The following MAF variants were observed in gnomAD, a reference collection of about 807,000 sequenced individuals.
MAF encodes transcription factor Maf.
A neutral mutation model predicts 22.0 loss-of-function variants in MAF; 10 were observed. The ratio of observed to expected loss-of-function variants is 0.45; its 90% CI spans 0.28 to 0.77. The LOEUF (loss-of-function observed/expected upper bound fraction) is 0.77, where lower values mean the gene tolerates loss of function less well. Ranked by LOEUF, MAF falls within the 30% of genes least tolerant of loss-of-function variation. MAF has a pLI of 0.12. For synonymous variants in MAF, 337 were observed against 255.8 expected (o/e 1.32, Z -3.03); for missense variants, 544 against 548.4 (o/e 0.99, Z 0.08).
At chr16:79,253,647 T>G in the MAF span, among the ~76,000 whole-genome samples, 1 of 152,070 alleles carries the variant, frequency 6.6e-6, no homozygotes, top group Non-Finnish European at 1.5e-5. Context: ...TTTCTTCATC[T>G]TGGGCTCCAC....
the MAF span, among the ~76,000 whole-genome samples, chr16:79,558,827 G>C: frequency 6.6e-6 from 1 of 152,182 alleles, no homozygotes; most frequent in Non-Finnish European, 1.5e-5. Flanking sequence ...GTTCTCATTT[G>C]ATTATAATAG....
At chr16:79,212,769 T>C in the MAF span, 1 of 152,218 alleles carries the variant, frequency 6.6e-6, no homozygotes, top group Non-Finnish European at 1.5e-5. Flanking sequence ...GCGCTTCTAA[T>C]AAAGCGCTTC....
the MAF span, among the ~76,000 whole-genome samples, chr16:79,566,562 C>T: frequency 1.3e-5 from 2 of 152,222 alleles, no homozygotes; most frequent in Non-Finnish European, 1.5e-5. Context: ...GCATTCCTTT[C>T]ACTCTGCACC....
In MAF at chr16:79,600,044, C is replaced by T. The variant is rs1173992782; in HGVS notation, c.-142G>A. 1.7e-6 allele frequency: 2 copies of T among 1,182,344 alleles called. No individual in the cohort carries two copies. Among genetic ancestry groups the T allele is most frequent in the South Asian group, 2.9e-5 (2 of 69,866 alleles). 73.2% of individuals were successfully genotyped at this position (1,182,344 alleles called of 1,614,324 possible). A position where few individuals can be genotyped will look rare whatever the true frequency, so the allele number is the denominator to read the frequency against. ...CTAGCTTGCGCGGCGGTGGCTGGCC[C>T]GAAACCTCCGAGCGCGCTCACACAC... On this transcript the variant is annotated 5_prime_UTR_variant, in exon 1 of 2. Coordinates refer to ENST00000326043, the MANE Select transcript of MAF (RefSeq NM_005360.5).
the MAF span, among the ~76,000 whole-genome samples, chr16:79,399,110 G>A: frequency 2.6e-5 from 4 of 152,222 alleles, no homozygotes; most frequent in Non-Finnish European, 5.9e-5. Flanking sequence ...GAGAGGCAGT[G>A]CTCCGTGGGC....
the MAF span, among the ~76,000 whole-genome samples, chr16:79,564,366 GA>G: frequency 6.6e-6 from 1 of 152,224 alleles, no homozygotes; most frequent in Admixed American, 6.5e-5. Context: ...TTATGGGGAA[GA>G]AAAGTGAGGA....
intron 1 of MAF, chr16:79,598,137 G>A: frequency 9.6e-7 from 1 of 1,041,830 alleles, no homozygotes; most frequent in African/African-American, 1.7e-5. Flanking sequence ...CTCACATGAA[G>A]AACTCAGGAG....
the MAF span, among the ~76,000 whole-genome samples, chr16:79,377,064 G>A: frequency 6.6e-6 from 1 of 152,116 alleles, no homozygotes; most frequent in African/African-American, 2.4e-5. Flanking sequence ...GGGTCAAATG[G>A]TATTTCTAGT....
At chr16:79,329,738 G>C in the MAF span, among the ~76,000 whole-genome samples, 4 of 152,062 alleles carry the variant, frequency 2.6e-5, no homozygotes, top group Non-Finnish European at 5.9e-5. Flanking sequence ...TTAGAAAACT[G>C]TACTATTCTT....
At chr16:79,596,960 A>G (rs1380611281) in intron 1 of MAF, 3 of 1,045,618 alleles carry the variant, frequency 2.9e-6, no homozygotes, top group Admixed American at 1.1e-4. Flanking sequence ...TTTTGAAAAG[A>G]AAAAAAAACA....
the MAF span, among the ~76,000 whole-genome samples, chr16:79,246,541 G>GT: frequency 2.6e-5 from 1 of 39,078 alleles, no homozygotes; most frequent in African/African-American, 8.9e-5. Context: ...GGTTTTTTTT[G>GT]GGGGGGGTGT....
the MAF span, among the ~76,000 whole-genome samples, chr16:79,391,857 A>C: frequency 7.1e-6 from 1 of 139,952 alleles, no homozygotes; most frequent in Non-Finnish European, 1.5e-5. Flanking sequence ...AAAGAGAGAG[A>C]AGAAGGAGGA....
the MAF span, among the ~76,000 whole-genome samples, chr16:79,217,997 A>T: frequency 1.7e-5 from 1 of 57,514 alleles, no homozygotes; most frequent in African/African-American, 5.6e-5. Flanking sequence ...AAAAAAAAAA[A>T]AAAAAAAAAA....
At chr16:79,461,539 C>T in the MAF span, among the ~76,000 whole-genome samples, 1 of 152,186 alleles carries the variant, frequency 6.6e-6, no homozygotes, top group African/African-American at 2.4e-5. Flanking sequence ...TTGTCATCTC[C>T]CCTCTCTTCT....
chr16:79,560,428 A>T, the MAF span, among the ~76,000 whole-genome samples: 1 of 152,220 alleles, frequency 6.6e-6, no homozygotes, highest in South Asian at 2.1e-4. Context: ...GCTGAAAAAA[A>T]AAAAACCTGA....
downstream of MAF, among the ~76,000 whole-genome samples, chr16:79,583,187 G>A (rs947185939): frequency 1.3e-5 from 2 of 152,192 alleles, no homozygotes; most frequent in Non-Finnish European, 1.5e-5. Flanking sequence ...AAGGACAGGC[G>A]TGCAAGATAG....
the MAF span, among the ~76,000 whole-genome samples, chr16:79,247,467 T>C: frequency 0.053 from 8,087 of 152,246 alleles, 709 homozygotes; most frequent in African/African-American, 0.18. Flanking sequence ...GCTCACCCAG[T>C]TGAATCCAGC....
the MAF span, among the ~76,000 whole-genome samples, chr16:79,518,509 G>T: frequency 1.3e-5 from 2 of 152,160 alleles, no homozygotes; most frequent in African/African-American, 4.8e-5. Flanking sequence ...GGAAACACAG[G>T]CTCTGCAGTC....
chr16:79,573,982 G>A, the MAF span, among the ~76,000 whole-genome samples: 4 of 152,150 alleles, frequency 2.6e-5, no homozygotes, highest in Admixed American at 6.5e-5. Flanking sequence ...TGCTTATTCA[G>A]GTATACCGTG....
Sources: allele counts gnomAD v4.1 joint callset (sites outside exome capture counted in the v4.1 genomes callset), GRCh38; gene constraint gnomAD v4.1.1; transcripts MANE v1.5; gene names NCBI Gene and HGNC (gene_info 2026-07-23, HGNC 2026-07-21).